NKAIN2: variants seen among roughly 807,000 people sequenced by gnomAD.
The protein encoded by NKAIN2 is sodium/potassium transporting ATPase interacting 2.
NKAIN2 carries 14 observed loss-of-function variants against 32.6 expected under a neutral mutation model. The observed-to-expected ratio is 0.43, with a 90% CI of 0.28 to 0.67. The LOEUF is 0.67. Among genes scored for constraint, NKAIN2 ranks in the 30% least tolerant of loss-of-function variants. The pLI, the probability that NKAIN2 is intolerant of heterozygous loss-of-function variation, is 0.17. For missense variants in NKAIN2, 198 were observed against 258.3 expected (o/e 0.77, Z 1.60); for synonymous variants, 80 against 87.2 (o/e 0.92, Z 0.46).
At chr6:124,202,008 A>G (rs896217792) in intron 1 of NKAIN2, among the ~76,000 whole-genome samples, 8 of 152,108 alleles carry the variant, frequency 5.3e-5, no homozygotes, top group South Asian at 2.1e-4. Flanking sequence ...GTGGTTAGCT[A>G]TAATTCTCAG....
chr6:124,617,112 T>C (rs562435733), intron 3 of NKAIN2, among the ~76,000 whole-genome samples: 1 of 152,348 alleles, frequency 6.6e-6, no homozygotes, highest in South Asian at 2.1e-4. Context: ...TATTATTTGT[T>C]AAATAGGGAG....
At chr6:124,211,957 C>T (rs1022151215) in intron 1 of NKAIN2, among the ~76,000 whole-genome samples, 1 of 151,996 alleles carries the variant, frequency 6.6e-6, no homozygotes, top group African/African-American at 2.4e-5. Context: ...CTTAAAACTG[C>T]TTGACATAAT....
chr6:124,687,935 C>T (rs562545958), intron 4 of NKAIN2, among the ~76,000 whole-genome samples: 83 of 151,568 alleles, frequency 5.5e-4, no homozygotes, highest in African/African-American at 2.0e-3. Flanking sequence ...TTTAAACATC[C>T]TGCCTTTTTA....
chr6:124,442,131 C>A (rs1329284610), intron 3 of NKAIN2, among the ~76,000 whole-genome samples: 3 of 152,048 alleles, frequency 2.0e-5, no homozygotes, highest in African/African-American at 7.2e-5. Context: ...TATCCCTCAT[C>A]ATTCAACTCT....
At chr6:124,610,282 T>C (rs1782643396) in intron 3 of NKAIN2, among the ~76,000 whole-genome samples, 1 of 152,216 alleles carries the variant, frequency 6.6e-6, no homozygotes, top group Non-Finnish European at 1.5e-5. Context: ...TATATGGTAT[T>C]ATCTAGAACT....
intron 4 of NKAIN2, among the ~76,000 whole-genome samples, chr6:124,776,509 T>C (rs1363838302): frequency 2.0e-5 from 3 of 152,184 alleles, no homozygotes; most frequent in Non-Finnish European, 4.4e-5. Flanking sequence ...TTCCAGTCTG[T>C]AGTCTACCTA....
chr6:124,191,681 A>G (rs1047954836), intron 1 of NKAIN2, among the ~76,000 whole-genome samples: 6 of 152,156 alleles, frequency 3.9e-5, no homozygotes, highest in Non-Finnish European at 5.9e-5. Context: ...GATCCCAGAA[A>G]TGCATTCATT....
At chr6:124,702,352 T>C (rs916988886) in intron 4 of NKAIN2, among the ~76,000 whole-genome samples, 1 of 152,092 alleles carries the variant, frequency 6.6e-6, no homozygotes, top group African/African-American at 2.4e-5. Context: ...ATATTTACAG[T>C]TAAATATAAG....
chr6:124,123,042 T>G (rs1785964970), intron 1 of NKAIN2, among the ~76,000 whole-genome samples: 1 of 152,172 alleles, frequency 6.6e-6, no homozygotes. Context: ...TCTATTGTGA[T>G]AAGTGTTAGG....
At chr6:124,179,973 A>G (rs802295) in intron 1 of NKAIN2, among the ~76,000 whole-genome samples, 89,594 of 152,070 alleles carry the variant, frequency 0.59, 28,992 homozygotes, top group Non-Finnish European at 0.74. Context: ...TAGATATTGC[A>G]TAGTGCTGAG....
In NKAIN2 at chr6:123,927,363, A is replaced by G. The variant is rs79611720; in HGVS notation, c.54+123109A>G. ...TCCTAGGAATTCCATATCTTGGCAG[A>G]ATGGTGATAACCAAAAAGCCTCATG... On this transcript the variant is annotated intron_variant, in intron 1 of 6. Transcript: ENST00000368417. Among the ~76,000 whole-genome samples the G allele has an allele frequency of 9.8e-5, 15 of 152,332 alleles. No homozygotes were observed. The East Asian group carries it at 2.5e-3, about 26-fold the overall frequency.
intron 1 of NKAIN2, among the ~76,000 whole-genome samples, chr6:123,949,194 A>G (rs1299838509): frequency 6.6e-6 from 1 of 151,974 alleles, no homozygotes; most frequent in Non-Finnish European, 1.5e-5. Context: ...AAGAATAAAG[A>G]TGCAGGCATC....
intron 3 of NKAIN2, among the ~76,000 whole-genome samples, chr6:124,385,305 G>C (rs981385472): frequency 3.3e-5 from 5 of 152,122 alleles, no homozygotes; most frequent in Non-Finnish European, 5.9e-5. Context: ...TGTGAAAGGA[G>C]AAACAGGAGT....
At chr6:124,447,518 C>A (rs1250395821) in intron 3 of NKAIN2, among the ~76,000 whole-genome samples, 1 of 152,050 alleles carries the variant, frequency 6.6e-6, no homozygotes, top group Non-Finnish European at 1.5e-5. Flanking sequence ...TCGGTCACAA[C>A]AAAGGAATAC....
At chr6:124,080,151 T>C (rs1240552874) in intron 1 of NKAIN2, among the ~76,000 whole-genome samples, 1 of 152,094 alleles carries the variant, frequency 6.6e-6, no homozygotes, top group Non-Finnish European at 1.5e-5. Flanking sequence ...CCAGGGTGGT[T>C]TCCTACACTG....
intron 4 of NKAIN2, 68 bp downstream of exon 4, chr6:124,658,454 T>C: frequency 6.2e-7 from 1 of 1,610,562 alleles, no homozygotes; most frequent in Non-Finnish European, 8.5e-7. Flanking sequence ...GCGAACTCAG[T>C]GCACACAAAT....
intron 1 of NKAIN2, among the ~76,000 whole-genome samples, chr6:123,886,700 C>T (rs1773731236): frequency 6.6e-6 from 1 of 152,046 alleles, no homozygotes; most frequent in South Asian, 2.1e-4. Flanking sequence ...GAAATGTTCA[C>T]AAAAGTAGCC....
At chr6:124,179,303 C>T (rs189210832) in intron 1 of NKAIN2, among the ~76,000 whole-genome samples, 1 of 152,236 alleles carries the variant, frequency 6.6e-6, no homozygotes, top group East Asian at 1.9e-4. Context: ...CCTTTACTGT[C>T]TCATTTAACA....
At chr6:124,395,189 C>T (rs1773324778) in intron 3 of NKAIN2, among the ~76,000 whole-genome samples, 1 of 152,054 alleles carries the variant, frequency 6.6e-6, no homozygotes, top group Non-Finnish European at 1.5e-5. Flanking sequence ...GAAGGTACCC[C>T]CTTTTTCCTG....
Sources: allele counts gnomAD v4.1 joint callset (sites outside exome capture counted in the v4.1 genomes callset), GRCh38; gene constraint gnomAD v4.1.1; transcripts MANE v1.5; gene names NCBI Gene and HGNC (gene_info 2026-07-23, HGNC 2026-07-21).